Variants in KIAA0586 observed in about 807,000 individuals in gnomAD.
KIAA0586 encodes KIAA0586.
Under a neutral mutation model 169.8 loss-of-function variants are expected in KIAA0586, and 144 were observed. The observed-to-expected ratio is 0.85, with a 90% CI of 0.74 to 0.97. The LOEUF is 0.97. KIAA0586 is among the 50% of genes least tolerant of loss of function. The pLI is 0.00. For missense variants in KIAA0586, 1,854 were observed against 1,823.0 expected, an observed-to-expected ratio of 1.02 and a Z score of -0.31; for synonymous variants, 625 against 612.4, an observed-to-expected ratio of 1.02 and a Z score of -0.30.
At chr14:58,520,889 A>G (rs1019947501) in intron 29 of KIAA0586, 1 of 161,520 alleles carries the variant, frequency 6.2e-6, no homozygotes, top group East Asian at 1.8e-4. Flanking sequence ...TTTTTTGTAG[A>G]TGAATAATAT....
chr14:58,434,953 T>C (rs2037693829), intron 4 of KIAA0586, among the ~76,000 whole-genome samples: 1 of 151,188 alleles, frequency 6.6e-6, no homozygotes, highest in East Asian at 2.0e-4. Context: ...CACATCCAGC[T>C]AACTTTTTTA....
At chr14:58,446,952 A>C (rs2038951653) in intron 6 of KIAA0586, among the ~76,000 whole-genome samples, 1 of 152,192 alleles carries the variant, frequency 6.6e-6, no homozygotes, top group Non-Finnish European at 1.5e-5. Context: ...TTTGAAAAGC[A>C]CATTGATTCC....
chr14:58,521,763 G>A (rs2139884673), intron 29 of KIAA0586: 1 of 807,576 alleles, frequency 1.2e-6, no homozygotes, highest in East Asian at 2.5e-5. Flanking sequence ...AGAGATGAAG[G>A]ATGATAAGTC....
chr14:58,485,212 G>A lies in KIAA0586; in HGVS notation c.3145-1795G>A, dbSNP rs943642639. On this transcript the variant is annotated intron_variant, in intron 21 of 30. Coordinates refer to ENST00000652326, the MANE Select transcript of KIAA0586 (RefSeq NM_001329943.3). ...GCTGGAATTACAGGCATGAGCCACC[G>A]CACCTGGCCCAAATAATATATTTTT... Among the ~76,000 whole-genome samples the A allele has an allele frequency of 4.0e-5, 6 of 151,228 alleles. No individual in the cohort carries two copies. In the East Asian group the frequency reaches 5.9e-4, roughly 15 times the overall value.
rs577910786 is a variant in KIAA0586, at chr14:58,527,327, A to G, written c.4430-12744A>G. On this transcript the variant is annotated intron_variant, in intron 29 of 30. Transcript: ENST00000652326. ...CTTCCCCAACCTAGCAAGACAGGCC[A>G]ACATTGAAATTCAGGAAATATAGAG... 2.0e-5 allele frequency among the ~76,000 whole-genome samples: 3 copies of G among 152,306 alleles called. No individual in the cohort carries two copies. The South Asian group carries it at 6.2e-4, about 32-fold the overall frequency.
At chr14:58,472,370 A>G in intron 18 of KIAA0586, 91 bp downstream of exon 18, 4 of 576,370 alleles carry the variant, frequency 6.9e-6, no homozygotes, top group Non-Finnish European at 1.2e-5. Context: ...ATTATGTTAC[A>G]GTGCTTTGAG....
Position 58,481,732 on chromosome 14 carries a change from A to G in KIAA0586, c.2945-781A>G, listed in dbSNP as rs185024578. Among the ~76,000 whole-genome samples the G allele has an allele frequency of 2.6e-5, 4 of 152,240 alleles. No homozygotes were observed. In the East Asian group the frequency reaches 7.7e-4, roughly 29 times the overall value. On this transcript the variant is annotated intron_variant, in intron 20 of 30. Coordinates refer to ENST00000652326, the MANE Select transcript of KIAA0586 (RefSeq NM_001329943.3). ...TTAGTCTTTTTCATAATAAGTAGATACATTTGTATTTTCATTTTTATTCCT... is the reference window on the plus strand; with the variant it reads ...TTAGTCTTTTTCATAATAAGTAGATGCATTTGTATTTTCATTTTTATTCCT...
At chr14:58,465,009 T>C (rs891487955) in intron 14 of KIAA0586, among the ~76,000 whole-genome samples, 13 of 152,048 alleles carry the variant, frequency 8.5e-5, no homozygotes, top group African/African-American at 2.9e-4. Context: ...GAGGCAGAGG[T>C]TGCATTGAGC....
At chr14:58,539,830 C>CCCA (rs2046531469) in intron 29 of KIAA0586, 1 of 311,104 alleles carries the variant, frequency 3.2e-6, no homozygotes, top group East Asian at 5.3e-5. Context: ...GCTTCCCCCC[C>CCCA]CCATCTGTGA....
In KIAA0586 at chr14:58,489,223, AT is replaced by A. The variant is rs5808974; in HGVS notation, c.3781+365del. Among the ~76,000 whole-genome samples the A allele has an allele frequency of 6.5e-3, 887 of 135,638 alleles. 6 individuals carry two copies. The highest frequency in any genetic ancestry group is 0.023 in the African/African-American group (857 of 36,512). 89.0% of individuals were successfully genotyped at this position (135,638 alleles called of 152,430 possible). ...CTATGCATATTGTTTTGAAACCTGAATTTTTTTTTTTTTTTTGAGACAGGTT... is the reference window on the plus strand; with the variant it reads ...CTATGCATATTGTTTTGAAACCTGAATTTTTTTTTTTTTTTGAGACAGGTT... On this transcript the variant is annotated intron_variant, in intron 24 of 30. Transcript: ENST00000652326.
intron 23 of KIAA0586, 95 bp downstream of exon 23, chr14:58,488,204 A>C: frequency 9.9e-7 from 1 of 1,009,252 alleles, no homozygotes; most frequent in Non-Finnish European, 1.4e-6. Context: ...ACAAAGCTTT[A>C]TAAACCACAG....
intron 20 of KIAA0586, among the ~76,000 whole-genome samples, chr14:58,479,746 A>G (rs989550459): frequency 3.9e-5 from 6 of 152,138 alleles, no homozygotes; most frequent in African/African-American, 9.7e-5. Flanking sequence ...TTTTTGGCAT[A>G]TGGATATCCA....
intron 2 of KIAA0586, among the ~76,000 whole-genome samples, chr14:58,429,927 A>G (rs1441765666): frequency 6.6e-6 from 1 of 152,190 alleles, no homozygotes; most frequent in Non-Finnish European, 1.5e-5. Context: ...TGTTTTGGTT[A>G]TGAGATCTAA....
rs2047193053 is a variant in KIAA0586, at chr14:58,551,204, A to C, written c.*3272A>C. 1 of 152,034 alleles carries C rather than the reference A, an allele frequency of 6.6e-6. No homozygotes were observed. Among genetic ancestry groups the C allele is most frequent in the South Asian group, 2.1e-4 (1 of 4,826 alleles). The allele number at this position is 152,034 out of a possible 1,614,324, so 9.4% of individuals were successfully genotyped here. A position where few individuals can be genotyped will look rare whatever the true frequency, so the allele number is the denominator to read the frequency against. On this transcript the variant is annotated 3_prime_UTR_variant, in exon 31 of 31. Transcript: ENST00000652326. ...ACTCTGTCTCAAAAATAAATAAATA[A>C]ATAAATAAAATGTTCCTCTGTTTTA...
intron 29 of KIAA0586, chr14:58,537,126 A>G (rs932760318): frequency 8.6e-7 from 1 of 1,156,710 alleles, no homozygotes; most frequent in African/African-American, 1.6e-5. Context: ...AGAGCACAAT[A>G]CTCACCCTTC....
chr14:58,512,741 C>G (rs992648176), intron 29 of KIAA0586, 114 bp downstream of exon 29: 52 of 606,550 alleles, frequency 8.6e-5, no homozygotes, highest in Non-Finnish European at 1.3e-4. Context: ...TTTTTGTTTT[C>G]TTTTGTTTTC....
chr14:58,465,960 C>G lies in KIAA0586; in HGVS notation c.2185C>G (p.Pro729Ala). 2 of 1,613,236 alleles carry G rather than the reference C, an allele frequency of 1.2e-6. No individual in the cohort carries two copies. Among genetic ancestry groups the G allele is most frequent in the South Asian group, 2.2e-5 (2 of 90,990 alleles). The change falls in exon 15 of 31, where the codon CCA becomes GCA. Residue 729 changes from proline to alanine, a missense_variant. Coordinates refer to ENST00000652326, the MANE Select transcript of KIAA0586 (RefSeq NM_001329943.3). ...TGGCGATCAGCAATATTTGTTCAGC[C>G]CAAGTAGAGAAATGCCTACTTTTTC... ...PHGDQQYLFS[P>A]SREMPTFSGT...
intron 26 of KIAA0586, among the ~76,000 whole-genome samples, chr14:58,496,554 G>A (rs71416008): frequency 0.041 from 6,270 of 152,234 alleles, 152 homozygotes; most frequent in Middle Eastern, 0.065. Flanking sequence ...TAATTTAAAG[G>A]ATGTTGAGGC....
chr14:58,474,167 GC>G (rs1273951563), intron 18 of KIAA0586, among the ~76,000 whole-genome samples: 8 of 152,148 alleles, frequency 5.3e-5, no homozygotes, highest in African/African-American at 1.9e-4. Context: ...TGAGGGATCT[GC>G]CCCCAAGACC....
Sources: gnomAD v4.1 joint callset for allele counts (sites outside exome capture counted in the v4.1 genomes callset) on GRCh38, gnomAD v4.1.1 for gene constraint, MANE v1.5 for transcripts, NCBI Gene and HGNC (gene_info 2026-07-23, HGNC 2026-07-21) for gene names.